The following ABCA12 variants were observed in gnomAD, a reference collection of about 807,000 sequenced individuals.
ABCA12 encodes ATP binding cassette subfamily A member 12.
A neutral mutation model predicts 293.5 loss-of-function variants in ABCA12; 156 were observed. The ratio of observed to expected loss-of-function variants is 0.53; its 90% CI spans 0.47 to 0.61. The LOEUF is 0.61. Among genes scored for constraint, ABCA12 ranks in the 20% least tolerant of loss-of-function variants. ABCA12 has a pLI of 0.00. For missense variants in ABCA12, 2,797 were observed against 3,090.2 expected (o/e 0.91, Z 2.25); for synonymous variants, 1,063 against 1,108.0 (o/e 0.96, Z 0.81).
chr2:214,961,532 T>C (rs981709290), intron 39 of ABCA12, among the ~76,000 whole-genome samples: 1 of 152,108 alleles, frequency 6.6e-6, no homozygotes, highest in Non-Finnish European at 1.5e-5. Flanking sequence ...AAAAGCAGCA[T>C]TGGTCTCTTG....
rs1277289582 is a variant in ABCA12 at position 214,970,306 on chromosome 2, A to G, written c.5657T>C (p.Leu1886Pro). ...GACAAACTCATTTGCAGTTGATATA[A>G]GATAATTTTCCACTCGTTGCCCAGT... is the stretch of plus-strand genomic sequence containing the variant. ...NLTGQRVENY[L>P]ISTANEFVQK... Residue 1886 changes from leucine (L) to proline (P), a missense_variant, in exon 37 of 53, where the codon CTT becomes CCT. Physicochemically the swap from Leu to Pro is moderately conservative, Grantham distance 98. This residue lies in a region of ABCA12 where 2,130 missense variants were observed against 2,427.0 expected (regional missense o/e 0.88). Coordinates refer to ENST00000272895, the MANE Select transcript of ABCA12 (RefSeq NM_173076.3). 1 of 1,613,148 alleles carries G rather than the reference A, an allele frequency of 6.2e-7. No individual in the cohort carries two copies. Among genetic ancestry groups the G allele is most frequent in the Admixed American group, 1.7e-5 (1 of 59,952 alleles).
intron 7 of ABCA12, among the ~76,000 whole-genome samples, chr2:215,039,734 A>G (rs1028081367): frequency 2.0e-5 from 3 of 151,948 alleles, no homozygotes; most frequent in African/African-American, 4.8e-5. Flanking sequence ...CAGCCTGGGC[A>G]ACAGAGCAAG....
intron 26 of ABCA12, among the ~76,000 whole-genome samples, chr2:214,988,509 C>T (rs952849279): frequency 1.8e-4 from 28 of 152,130 alleles, no homozygotes; most frequent in Admixed American, 1.8e-3. Context: ...AAATCATATT[C>T]TTTTATTCAT....
intron 7 of ABCA12, among the ~76,000 whole-genome samples, chr2:215,044,726 G>A (rs1701167372): frequency 6.6e-6 from 1 of 152,138 alleles, no homozygotes; most frequent in African/African-American, 2.4e-5. Flanking sequence ...ATAAGGATTT[G>A]TCTCCTCTTC....
chr2:214,953,423 G>C (rs1396450289), intron 44 of ABCA12, among the ~76,000 whole-genome samples: 1 of 152,140 alleles, frequency 6.6e-6, no homozygotes, highest in Non-Finnish European at 1.5e-5. Context: ...TCTCATTTAT[G>C]ATGCTGTCTT....
At chr2:215,006,823 G>A (rs1438813084) in intron 19 of ABCA12, among the ~76,000 whole-genome samples, 1 of 149,014 alleles carries the variant, frequency 6.7e-6, no homozygotes, top group African/African-American at 2.5e-5. Context: ...TCTGTGATTG[G>A]AACATTTCCC....
chr2:215,057,426 G>C (rs1342963528), intron 3 of ABCA12, among the ~76,000 whole-genome samples: 1 of 151,954 alleles, frequency 6.6e-6, no homozygotes, highest in Non-Finnish European at 1.5e-5. Context: ...TATTTTAGAT[G>C]TAATCCCTTT....
chr2:214,997,988 T>G (rs1056098619), intron 22 of ABCA12, among the ~76,000 whole-genome samples, 179 bp from the exon 23 acceptor site: 1 of 150,218 alleles, frequency 6.7e-6, no homozygotes, highest in Non-Finnish European at 1.5e-5. Flanking sequence ...TAACCATAGG[T>G]CTGTGATTTT....
chr2:215,008,352 T>A (rs974073953), intron 18 of ABCA12, among the ~76,000 whole-genome samples: 1 of 151,986 alleles, frequency 6.6e-6, no homozygotes, highest in African/African-American at 2.4e-5. Context: ...ATAAAACCGA[T>A]ACACAAGAAT....
At position 214,979,132 on chromosome 2, in the gene ABCA12, T is replaced by C. The variant is rs1298959153; in HGVS notation, c.4741-92A>G. ...CAGAGGGTGAGGTGATGAGCTCTTT[T>C]AGGCCACTCCACACCTGAGTCAGAT... On this transcript the variant is annotated intron_variant, in intron 31 of 52. Coordinates refer to ENST00000272895, the MANE Select transcript of ABCA12 (RefSeq NM_173076.3). The C allele has an allele frequency of 3.6e-6, 4 of 1,123,662 alleles. No individual in the cohort carries two copies. In the South Asian group the frequency reaches 3.7e-5, roughly 10 times the overall value. 69.6% of individuals were successfully genotyped at this position (1,123,662 alleles called of 1,614,324 possible).
At chr2:214,952,501 G>A (rs1033316118) in intron 44 of ABCA12, among the ~76,000 whole-genome samples, 18 of 152,102 alleles carry the variant, frequency 1.2e-4, no homozygotes, top group Non-Finnish European at 1.8e-4. Flanking sequence ...GATTACAGGC[G>A]TGAGCCACCG....
chr2:215,007,863 CAAA>C lies in ABCA12; in HGVS notation c.2473-20_2473-18del. ...TACATTGGACTTAATGACAAAGAAACAAAAGAAGTGTGATCCATTAGTATTTTG... is the reference window on the plus strand; with the variant it reads ...TACATTGGACTTAATGACAAAGAAACAGAAGTGTGATCCATTAGTATTTTG... On this transcript the variant is annotated intron_variant, in intron 18 of 52. Transcript: ENST00000272895. 1 of 1,613,582 alleles carries C rather than the reference CAAA, an allele frequency of 6.2e-7. No individual in the cohort carries two copies. The highest frequency in any genetic ancestry group is 8.5e-7 in the Non-Finnish European group (1 of 1,179,758).
In ABCA12 at chr2:215,138,255, C is replaced by T. The variant is rs1703274472; in HGVS notation, c.-47G>A. 1 of 1,596,966 alleles carries T rather than the reference C, an allele frequency of 6.3e-7. No individual in the cohort carries two copies. Among genetic ancestry groups the T allele is most frequent in the African/African-American group, 1.3e-5 (1 of 74,658 alleles). ...AGATTTCCTCTTCTTTTCTCCACTC[C>T]ACAAATGAAGAACTGATGCCCCGTC... is the stretch of plus-strand genomic sequence containing the variant. On this transcript the variant is annotated 5_prime_UTR_variant, in exon 1 of 53. Transcript: ENST00000272895.
At position 214,932,287 on chromosome 2, in the gene ABCA12, T is replaced by TCAA. The variant is rs1404816487; in HGVS notation, c.*344_*346dup. 7.6e-6 allele frequency: 2 copies of TCAA among 264,780 alleles called. No individual in the cohort carries two copies. Among genetic ancestry groups the TCAA allele is most frequent in the South Asian group, 8.8e-5 (2 of 22,834 alleles). The allele number at this position is 264,780 out of a possible 1,614,324, so 16.4% of individuals were successfully genotyped here. On this transcript the variant is annotated 3_prime_UTR_variant, in exon 53 of 53. Transcript: ENST00000272895. ...GACTTTTCTTCTCCACTCTTATATT[T>TCAA]CAACTACCAAAATCCATGCCTTTTA...
At chr2:215,123,601 T>C (rs555209690) in intron 1 of ABCA12, among the ~76,000 whole-genome samples, 37 of 152,208 alleles carry the variant, frequency 2.4e-4, no homozygotes, top group African/African-American at 8.4e-4. Flanking sequence ...AGTAGTGAGA[T>C]TGCTGATTCA....
intron 48 of ABCA12, among the ~76,000 whole-genome samples, chr2:214,946,350 G>C (rs1258532170): frequency 6.6e-6 from 1 of 151,974 alleles, no homozygotes; most frequent in Non-Finnish European, 1.5e-5. Flanking sequence ...AGAAAACTTG[G>C]TATCTTTCAT....
chr2:214,974,776 A>G lies in ABCA12; in HGVS notation c.5468+2T>C. The G allele has an allele frequency of 6.2e-7, 1 of 1,613,964 alleles. No individual in the cohort carries two copies. ...AAAAATAGAAGAGCAAGAACCACTTACAGATCACTGGTGTTCAGACACATG... is the reference window on the plus strand; with the variant it reads ...AAAAATAGAAGAGCAAGAACCACTTGCAGATCACTGGTGTTCAGACACATG... On this transcript the variant is annotated splice_donor_variant, in intron 35 of 52. Transcript: ENST00000272895. LOFTEE classifies it high-confidence loss of function.
At chr2:215,019,985 G>A (rs569707813) in intron 11 of ABCA12, among the ~76,000 whole-genome samples, 189 bp from the exon 12 acceptor site, 35 of 152,140 alleles carry the variant, frequency 2.3e-4, no homozygotes, top group Non-Finnish European at 4.4e-4. Flanking sequence ...TATTGTTCTC[G>A]TAAGAACCTG....
chr2:215,017,424 C>A (rs182121253), intron 14 of ABCA12, among the ~76,000 whole-genome samples: 4 of 152,278 alleles, frequency 2.6e-5, no homozygotes, highest in African/African-American at 9.6e-5. Flanking sequence ...ACAAACTTAC[C>A]CTTAGTTCCC....
Sources: allele counts gnomAD v4.1 joint callset (sites outside exome capture counted in the v4.1 genomes callset), GRCh38; gene constraint gnomAD v4.1.1; regional missense constraint gnomAD v4.1.1; transcripts MANE v1.5; gene names NCBI Gene and HGNC (gene_info 2026-07-23, HGNC 2026-07-21).